Variants in LHX8 observed in about 807,000 individuals in gnomAD.
LHX8 encodes the protein LIM/homeobox protein Lhx8.
In LHX8, 12 loss-of-function variants were observed where a neutral mutation model predicts 40.3. The ratio of observed to expected loss-of-function variants is 0.30; its 90% CI spans 0.19 to 0.48. LHX8 has a LOEUF of 0.48. LHX8 is among the 20% of genes least tolerant of loss of function. The probability of loss-of-function intolerance (pLI) is 0.99; values close to 1 mark genes in which losing one functional copy is unlikely to be tolerated. For synonymous variants in LHX8, 179 were observed against 162.0 expected, an observed-to-expected ratio of 1.10 and a Z score of -0.80; for missense variants, 344 against 433.7, an observed-to-expected ratio of 0.79 and a Z score of 1.84.
chr1:75,128,577 G>T (rs1323691221), exon 1 of LHX8: 1 of 152,184 alleles, frequency 6.6e-6, no homozygotes, highest in African/African-American at 2.4e-5. Context: ...CATTCGCGTC[G>T]GACGTCTGGG....
At chr1:75,179,129 T>G in the LHX8 span, among the ~76,000 whole-genome samples, 1 of 152,220 alleles carries the variant, frequency 6.6e-6, no homozygotes, top group African/African-American at 2.4e-5. Flanking sequence ...TATGTGGTGC[T>G]GAGAAGAATG....
In LHX8 at chr1:75,140,881, G is replaced by T; in HGVS notation, c.238-104G>T. ...TTTTGGATGAAAACATTCAGAGCAT[G>T]TGTTAATATATTAAGGGGCCAGTTT... On this transcript the variant is annotated intron_variant, in intron 3 of 8. Coordinates refer to ENST00000356261, the MANE Select transcript of LHX8 (RefSeq NM_001256114.2). 9 of 1,040,346 alleles carry T rather than the reference G, an allele frequency of 8.7e-6. No homozygotes were observed. The South Asian group carries it at 1.2e-4, about 13-fold the overall frequency. The allele number at this position is 1,040,346 out of a possible 1,614,324, so 64.4% of individuals were successfully genotyped here. A position where few individuals can be genotyped will look rare whatever the true frequency, so the allele number is the denominator to read the frequency against.
chr1:75,178,660 GTC>G, the LHX8 span, among the ~76,000 whole-genome samples: 1 of 152,150 alleles, frequency 6.6e-6, no homozygotes, highest in African/African-American at 2.4e-5. Context: ...GGTTTTCTGT[GTC>G]TCTATCTCCT....
the LHX8 span, among the ~76,000 whole-genome samples, chr1:75,196,391 G>C: frequency 6.6e-6 from 1 of 152,092 alleles, no homozygotes; most frequent in South Asian, 2.1e-4. Flanking sequence ...GGGTGGTACT[G>C]GCAGGAATTT....
intron 3 of LHX8, 49 bp downstream of exon 3, chr1:75,137,310 G>C: frequency 6.4e-7 from 1 of 1,560,370 alleles, no homozygotes; most frequent in African/African-American, 1.4e-5. Flanking sequence ...GGCTTAGCGT[G>C]GGAGCTCTGG....
At chr1:75,142,043 G>A (rs1350158474) in intron 4 of LHX8, among the ~76,000 whole-genome samples, 1 of 152,062 alleles carries the variant, frequency 6.6e-6, no homozygotes, top group Non-Finnish European at 1.5e-5. Flanking sequence ...ATATTTCTCA[G>A]CAGGTTTACT....
the LHX8 span, among the ~76,000 whole-genome samples, chr1:75,184,312 T>C: frequency 6.6e-6 from 1 of 152,198 alleles, no homozygotes; most frequent in Non-Finnish European, 1.5e-5. Context: ...AACAACAGAA[T>C]ATACATTCTT....
At chr1:75,155,450 G>A (rs972801815) in intron 7 of LHX8, among the ~76,000 whole-genome samples, 5 of 152,128 alleles carry the variant, frequency 3.3e-5, no homozygotes, top group Non-Finnish European at 2.9e-5. Context: ...TAGCCAGGAT[G>A]GTCTCGATCT....
At chr1:75,189,382 A>G in the LHX8 span, among the ~76,000 whole-genome samples, 1 of 152,220 alleles carries the variant, frequency 6.6e-6, no homozygotes, top group Non-Finnish European at 1.5e-5. Context: ...CAGCCAAACA[A>G]ACTATTAATT....
At chr1:75,165,521 G>A (rs1474821520), downstream of LHX8, among the ~76,000 whole-genome samples, 1 of 152,140 alleles carries the variant, frequency 6.6e-6, no homozygotes, top group East Asian at 1.9e-4. Flanking sequence ...GAACTTGCTA[G>A]GGGGCTGAGA....
chr1:75,129,600 C>T (rs1450488804), upstream of LHX8, among the ~76,000 whole-genome samples: 2 of 152,154 alleles, frequency 1.3e-5, no homozygotes, highest in African/African-American at 4.8e-5. Flanking sequence ...ATCAAAATGT[C>T]ATCCAAGCCT....
chr1:75,146,838 T>A (rs1305116538), intron 6 of LHX8, among the ~76,000 whole-genome samples: 1 of 152,162 alleles, frequency 6.6e-6, no homozygotes, highest in Non-Finnish European at 1.5e-5. Flanking sequence ...GAGAAATTAC[T>A]TAACTAAATA....
chr1:75,136,489 C>T (rs1338774476), intron 1 of LHX8, 114 bp from the exon 2 acceptor site: 25 of 803,518 alleles, frequency 3.1e-5, no homozygotes, highest in Non-Finnish European at 4.7e-5. Context: ...GCACGCGCTG[C>T]CCCGCACTCT....
In LHX8 at chr1:75,145,240, A is replaced by ACC. The variant is rs1418197003; in HGVS notation, c.684+1292_684+1293insCC. ...AGATCACACAATGCCCTGTCAGAAGATGTGAGTACTTCTGAAAGACCTGGA... is the reference window on the plus strand; with the variant it reads ...AGATCACACAATGCCCTGTCAGAAGACCTGTGAGTACTTCTGAAAGACCTGGA... On this transcript the variant is annotated intron_variant, in intron 6 of 8. Coordinates refer to ENST00000356261, the MANE Select transcript of LHX8 (RefSeq NM_001256114.2). Among the ~76,000 whole-genome samples, 4 of 152,244 alleles carry ACC rather than the reference A, an allele frequency of 2.6e-5. No homozygotes were observed. The East Asian group carries it at 7.7e-4, about 29-fold the overall frequency.
chr1:75,182,064 T>A, the LHX8 span, among the ~76,000 whole-genome samples: 2 of 152,212 alleles, frequency 1.3e-5, no homozygotes, highest in Non-Finnish European at 1.5e-5. Context: ...TGGTCATGAA[T>A]TCTTTGCCTA....
chr1:75,129,942 T>C (rs1050117062), upstream of LHX8: 6 of 152,188 alleles, frequency 3.9e-5, no homozygotes, highest in African/African-American at 1.4e-4. Flanking sequence ...ATTTCGGCTT[T>C]TACAGAATTA....
At chr1:75,151,381 A>G (rs1229941659) in intron 7 of LHX8, among the ~76,000 whole-genome samples, 1 of 152,224 alleles carries the variant, frequency 6.6e-6, no homozygotes, top group African/African-American at 2.4e-5. Flanking sequence ...AATCTGAAAA[A>G]CATACTACCT....
At chr1:75,134,287 A>G (rs1648054691), upstream of LHX8, among the ~76,000 whole-genome samples, 1 of 152,068 alleles carries the variant, frequency 6.6e-6, no homozygotes, top group African/African-American at 2.4e-5. Context: ...TCTCCAGGAA[A>G]GACTTTCCCC....
chr1:75,157,419 G>A lies in LHX8; in HGVS notation c.964+343G>A, dbSNP rs575761462. ...AAGTGTTCACTCAGATCTTTAGATG[G>A]GAGTTTAATAAGTTTTGTTAAAGAG... On this transcript the variant is annotated intron_variant, in intron 8 of 8. Transcript: ENST00000356261. 2.6e-5 allele frequency among the ~76,000 whole-genome samples: 4 copies of A among 152,224 alleles called. No homozygotes were observed. The South Asian group carries it at 6.2e-4, about 24-fold the overall frequency.
Sources: allele counts gnomAD v4.1 joint callset (sites outside exome capture counted in the v4.1 genomes callset), GRCh38; gene constraint gnomAD v4.1.1; transcripts MANE v1.5; gene names NCBI Gene and HGNC (gene_info 2026-07-23, HGNC 2026-07-21).